The following GRAMD1A variants were observed in gnomAD, a reference collection of about 807,000 sequenced individuals.
GRAMD1A encodes the protein protein Aster-A.
In GRAMD1A, 50 loss-of-function variants were observed where a neutral mutation model predicts 92.0. That is an observed-to-expected ratio of 0.54 (90% CI 0.43 to 0.69). The LOEUF is 0.69. Ranked by LOEUF, GRAMD1A falls within the 30% of genes least tolerant of loss-of-function variation. The pLI, the probability that GRAMD1A is intolerant of heterozygous loss-of-function variation, is 0.00. For missense variants in GRAMD1A, 819 were observed against 978.9 expected, an observed-to-expected ratio of 0.84 and a Z score of 2.18; for synonymous variants, 405 against 403.6, an observed-to-expected ratio of 1.00 and a Z score of -0.04.
chr19:35,003,093 T>TGTGTGTGTGTG (rs2014515407), intron 1 of GRAMD1A, among the ~76,000 whole-genome samples: 1 of 147,194 alleles, frequency 6.8e-6, no homozygotes, highest in Non-Finnish European at 1.5e-5. Context: ...TGTGTGTGTG[T>TGTGTGTGTGTG]AATTACTCTG....
At chr19:35,018,902 G>A (rs560821165) in intron 11 of GRAMD1A, among the ~76,000 whole-genome samples, 1 of 119,720 alleles carries the variant, frequency 8.4e-6, no homozygotes, top group South Asian at 2.6e-4. Context: ...CGGTGGGTTC[G>A]AGGGGTCCAG....
At position 35,013,446 on chromosome 19, in the gene GRAMD1A, G is replaced by T; in HGVS notation, c.719+78G>T. On this transcript the variant is annotated intron_variant, in intron 8 of 19. Transcript: ENST00000317991. The surrounding 1 kb of genome is among the most constrained non-coding windows in gnomAD (Gnocchi z 4.9). ...GGCGTGCAGAGTTCCTGGAGTGCTG[G>T]GGGGCCTGAGATGGTTGTATGACGT... 1 of 1,524,942 alleles carries T rather than the reference G, an allele frequency of 6.6e-7. No homozygotes were observed. 94.5% of individuals were successfully genotyped at this position (1,524,942 alleles called of 1,614,324 possible).
In GRAMD1A at chr19:35,011,381, T is replaced by C. The variant is rs900543143; in HGVS notation, c.526-93T>C. 5 of 891,852 alleles carry C rather than the reference T, an allele frequency of 5.6e-6. No individual in the cohort carries two copies. The African/African-American group carries it at 8.2e-5, about 15-fold the overall frequency. 55.2% of individuals were successfully genotyped at this position (891,852 alleles called of 1,614,324 possible). Reference sequence around the variant, plus strand: ...TAGTGGATTCATGGGGCCAAAGATGTGGCGTCAGCGCAGATGAGGGTGGCG... The same window carrying C: ...TAGTGGATTCATGGGGCCAAAGATGCGGCGTCAGCGCAGATGAGGGTGGCG... On this transcript the variant is annotated intron_variant, in intron 6 of 19. Coordinates refer to ENST00000317991, the MANE Select transcript of GRAMD1A (RefSeq NM_020895.5).
At position 35,002,213 on chromosome 19, in the gene GRAMD1A, C is replaced by T. The variant is rs889083368; in HGVS notation, c.8+1727C>T. Among the ~76,000 whole-genome samples, 5 of 152,024 alleles carry T rather than the reference C, an allele frequency of 3.3e-5. No homozygotes were observed. The East Asian group carries it at 5.8e-4, about 18-fold the overall frequency. ...CTTTGGAGGCAATAATGATAACTGA[C>T]GTTGTCCACCTGTTACAGTTAGTAT... On this transcript the variant is annotated intron_variant, in intron 1 of 19. Coordinates refer to ENST00000317991, the MANE Select transcript of GRAMD1A (RefSeq NM_020895.5).
chr19:35,024,234 C>G (rs767896547), intron 19 of GRAMD1A, among the ~76,000 whole-genome samples: 58 of 152,218 alleles, frequency 3.8e-4, no homozygotes, highest in Non-Finnish European at 7.1e-4. Flanking sequence ...ACCTCAAAGA[C>G]TGTTGTGAGG....
intron 13 of GRAMD1A, among the ~76,000 whole-genome samples, chr19:35,020,127 C>T (rs1192713747): frequency 2.0e-5 from 3 of 152,172 alleles, no homozygotes; most frequent in African/African-American, 7.2e-5. Context: ...CACAGTGGCT[C>T]ACACCTGTAA....
intron 11 of GRAMD1A, among the ~76,000 whole-genome samples, chr19:35,017,747 C>T (rs1437785390): frequency 6.6e-6 from 1 of 152,176 alleles, no homozygotes; most frequent in Non-Finnish European, 1.5e-5. Context: ...TCACATCCTC[C>T]TGGCAGCCTT....
rs2016059994 is a variant in GRAMD1A at position 35,021,635 on chromosome 19, G to T, written c.1579+30G>T. ...GGACAGAAGGCCGGCTGGGGCGTGG[G>T]TTGGGGGATGGCCTGGCCAGGTATG... On this transcript the variant is annotated intron_variant, in intron 14 of 19. Coordinates refer to ENST00000317991, the MANE Select transcript of GRAMD1A (RefSeq NM_020895.5). This position sits in a 1 kb window ranked among gnomAD's most constrained non-coding sequence, Gnocchi z 5.3. 6 of 1,613,462 alleles carry T rather than the reference G, an allele frequency of 3.7e-6. No individual in the cohort carries two copies. The highest frequency in any genetic ancestry group is 5.1e-6 in the Non-Finnish European group (6 of 1,179,360).
intron 18 of GRAMD1A, 33 bp from the exon 19 acceptor site, chr19:35,023,394 C>T: frequency 6.2e-7 from 1 of 1,611,818 alleles, no homozygotes; most frequent in Non-Finnish European, 8.5e-7. Context: ...TCGGGGGAGG[C>T]CAAGGCCCTG....
Position 35,015,857 on chromosome 19 carries a change from G to C in GRAMD1A, c.1103G>C (p.Gly368Ala). Residue 368 changes from glycine (G) to alanine (A), a missense_variant, in exon 11 of 20, where the codon GGC (glycine) becomes GCC (alanine). This residue lies in a region of GRAMD1A where 577 missense variants were observed against 674.6 expected (regional missense o/e 0.86). Transcript: ENST00000317991. ...GCTGCCCTGCTTCCCGACCTCTCCG[G>C]CCGCCTCCTCATCAACTCTGTCTTC... is the stretch of plus-strand genomic sequence containing the variant. ...DLAALLPDLS[G>A]RLLINSVFHV... The C allele has an allele frequency of 6.2e-7, 1 of 1,613,976 alleles. No individual in the cohort carries two copies. The highest frequency in any genetic ancestry group is 8.5e-7 in the Non-Finnish European group (1 of 1,179,948).
At chr19:35,011,349 G>C in intron 6 of GRAMD1A, 125 bp from the exon 7 acceptor site, 1 of 781,930 alleles carries the variant, frequency 1.3e-6, no homozygotes, top group East Asian at 2.4e-5. Context: ...CTAATGCAGG[G>C]GTGAATTAGT....
chr19:35,009,449 T>A lies in GRAMD1A; in HGVS notation c.240+6T>A. The A allele has an allele frequency of 6.2e-7, 1 of 1,613,712 alleles. No homozygotes were observed. The highest frequency in any genetic ancestry group is 1.1e-5 in the South Asian group (1 of 91,074). On this transcript the variant is annotated splice_donor_region_variant and intron_variant, in intron 3 of 19. Transcript: ENST00000317991. ...AGATGCAGAGCTGGTACAGTGTAAG[T>A]GTCTGGGCAAGGGGCTTGCTGGAGG...
At chr19:34,999,601 C>G (rs978619110), upstream of GRAMD1A, 2 of 152,240 alleles carry the variant, frequency 1.3e-5, no homozygotes, top group African/African-American at 2.4e-5. Flanking sequence ...AAGTCACTTC[C>G]CATCTTAGAG....
At chr19:35,022,943 C>A (rs768382346) in intron 17 of GRAMD1A, 32 bp downstream of exon 17, 5 of 1,489,954 alleles carry the variant, frequency 3.4e-6, no homozygotes, top group Non-Finnish European at 3.7e-6. Context: ...CTGCCCTCCC[C>A]TCCCTGCACC....
rs1157693863 is a variant in GRAMD1A, at chr19:35,015,981, T to C, written c.1213+14T>C. The C allele has an allele frequency of 1.9e-6, 3 of 1,610,358 alleles. No homozygotes were observed. The highest frequency in any genetic ancestry group is 2.5e-6 in the Non-Finnish European group (3 of 1,178,066). On this transcript the variant is annotated intron_variant, in intron 11 of 19. Transcript: ENST00000317991. ...GCAAGTTCACAGGTCAGCGGGCGCA[T>C]GAAGGAGAGGCTGAGGTTACCCAGG...
At chr19:35,004,474 C>T (rs1051472845) in intron 1 of GRAMD1A, among the ~76,000 whole-genome samples, 1 of 152,166 alleles carries the variant, frequency 6.6e-6, no homozygotes, top group Admixed American at 6.5e-5. Flanking sequence ...GGGGCTCATA[C>T]TGAGCAGCAT....
intron 11 of GRAMD1A, among the ~76,000 whole-genome samples, chr19:35,016,832 G>C (rs1157549418): frequency 6.7e-6 from 1 of 149,214 alleles, no homozygotes; most frequent in Non-Finnish European, 1.5e-5. Context: ...TTGAACTCGG[G>C]AAGCAGAGGT....
chr19:35,019,586 C>T (rs1374835652), intron 13 of GRAMD1A, 53 bp downstream of exon 13: 6 of 1,551,326 alleles, frequency 3.9e-6, no homozygotes, highest in East Asian at 2.2e-5. Flanking sequence ...CCAGGGCCTC[C>T]TGTCCACTCC....
At chr19:34,996,715 C>T (rs901995664), upstream of GRAMD1A, among the ~76,000 whole-genome samples, 66 of 149,676 alleles carry the variant, frequency 4.4e-4, no homozygotes, top group African/African-American at 1.5e-3. Context: ...CTGGGGCAGG[C>T]GGTTTGCTTG....
Sources: allele counts gnomAD v4.1 joint callset (sites outside exome capture counted in the v4.1 genomes callset), GRCh38; gene constraint gnomAD v4.1.1; regional missense constraint gnomAD v4.1.1; non-coding constraint Gnocchi (gnomAD v3.1); transcripts MANE v1.5; gene names NCBI Gene and HGNC (gene_info 2026-07-23, HGNC 2026-07-21).